The following VIPR1 variants were observed in gnomAD, a reference collection of about 807,000 sequenced individuals.
VIPR1 encodes vasoactive intestinal polypeptide receptor 1.
VIPR1 carries 59 observed loss-of-function variants against 58.8 expected under a neutral mutation model. The ratio of observed to expected loss-of-function variants is 1.00; its 90% confidence interval spans 0.81 to 1.25. The LOEUF (loss-of-function observed/expected upper bound fraction) is 1.25, where lower values mean the gene tolerates loss of function less well. Ranked by LOEUF, VIPR1 falls within the 50% of genes most tolerant of loss-of-function variation. The pLI is 0.00. For synonymous variants in VIPR1, 251 were observed against 242.1 expected, an observed-to-expected ratio of 1.04 and a Z score of -0.34; for missense variants, 626 against 602.7, an observed-to-expected ratio of 1.04 and a Z score of -0.40.
intron 1 of VIPR1, 160 bp from the exon 2 acceptor site, chr3:42,513,589 G>A (rs1168561058): frequency 1.6e-5 from 11 of 706,902 alleles, no homozygotes; most frequent in Non-Finnish European, 2.1e-5. Flanking sequence ...ATGGACAACA[G>A]GTTGGGGTCA....
rs762386402 is a variant in VIPR1 at position 42,527,994 on chromosome 3, G to A, written c.507G>A (p.Lys169=). The A allele has an allele frequency of 5.0e-6, 8 of 1,613,820 alleles. No individual in the cohort carries two copies. The highest frequency in any genetic ancestry group is 6.8e-6 in the Non-Finnish European group (8 of 1,179,850). Residue 169 remains lysine (K), a synonymous_variant, in exon 6 of 13, where the codon AAG becomes AAA. Transcript: ENST00000325123. The part of the protein sequence containing the change: ...VATAILSLFR[K]LHCTRNYIHM... ...CAGATCTGCCCACCCCACACAGGAA[G>A]CTCCACTGCACGCGGAACTACATCC...
chr3:42,535,914 A>T (rs1701815854), intron 12 of VIPR1, among the ~76,000 whole-genome samples, 176 bp from the exon 13 acceptor site: 1 of 152,050 alleles, frequency 6.6e-6, no homozygotes, highest in African/African-American at 2.4e-5. Context: ...CTCCTTCTGA[A>T]CCTGGCCTCA....
intron 9 of VIPR1, 29 bp downstream of exon 9, chr3:42,531,898 G>A (rs1559497209): frequency 6.2e-7 from 1 of 1,613,752 alleles, no homozygotes; most frequent in Non-Finnish European, 8.5e-7. Context: ...ACCTAGAGAT[G>A]GGGAAACAGG....
rs753944636 is a variant in VIPR1 at position 42,525,944 on chromosome 3, C to G, written c.350C>G (p.Pro117Arg). The change falls in exon 4 of 13, where the codon CCG becomes CGG. Residue 117 changes from proline to arginine, a missense_variant. Transcript: ENST00000325123. The stretch of plus-strand genomic sequence containing the variant: ...GGCTGGACGCACCTGGAGCCTGGCC[C>G]GTACCCCATTGCCTGTGGTTTGGAT... ...DEGWTHLEPG[P>R]YPIACGLDDK... is the part of the protein sequence containing the mutation. The G allele has an allele frequency of 3.1e-6, 5 of 1,613,666 alleles. No individual in the cohort carries two copies. In the South Asian group the frequency reaches 5.5e-5, roughly 18 times the overall value.
At chr3:42,531,179 C>T (rs1701524420) in intron 7 of VIPR1, 3 of 615,984 alleles carry the variant, frequency 4.9e-6, no homozygotes, top group Non-Finnish European at 8.5e-6. Context: ...TTTCCATTTC[C>T]CTTTAGTTCC....
chr3:42,531,317 G>A, intron 7 of VIPR1, 154 bp from the exon 8 acceptor site: 1 of 772,770 alleles, frequency 1.3e-6, no homozygotes. Flanking sequence ...TCCCTCCGTG[G>A]TGAACAACCT....
chr3:42,503,056 G>A (rs1392072952), intron 1 of VIPR1, among the ~76,000 whole-genome samples: 5 of 152,236 alleles, frequency 3.3e-5, no homozygotes, highest in African/African-American at 7.2e-5. Flanking sequence ...ATCAGTGGAG[G>A]GGCAGCGGGG....
Position 42,536,140 on chromosome 3 carries a change from C to T in VIPR1, c.1233C>T (p.Val411=). ...GGCGGCGCTGGCACCTGCAGGGCGTCCTGGGCTGGAACCCCAAATACCGGC... is the reference window on the plus strand; with the variant it reads ...GGCGGCGCTGGCACCTGCAGGGCGTTCTGGGCTGGAACCCCAAATACCGGC... ...RKWRRWHLQG[V]LGWNPKYRHP... The change falls in exon 13 of 13, where the codon GTC becomes GTT. Residue 411 remains valine, a synonymous_variant. Transcript: ENST00000325123. The T allele has an allele frequency of 1.9e-6, 3 of 1,606,626 alleles. No individual in the cohort carries two copies. The South Asian group carries it at 3.3e-5, about 18-fold the overall frequency.
chr3:42,527,850 T>C, intron 5 of VIPR1, 141 bp from the exon 6 acceptor site: 1 of 1,237,034 alleles, frequency 8.1e-7, no homozygotes, highest in Non-Finnish European at 1.1e-6. Context: ...TATTTCAGGA[T>C]GGGATCCCCT....
At chr3:42,527,539 A>C in intron 5 of VIPR1, 43 bp downstream of exon 5, 1 of 1,594,960 alleles carries the variant, frequency 6.3e-7, no homozygotes, top group Non-Finnish European at 8.6e-7. Flanking sequence ...CAAACCTGGC[A>C]AGTGTCCCTC....
chr3:42,502,351 G>A (rs1348054459), upstream of VIPR1: 1 of 169,900 alleles, frequency 5.9e-6, no homozygotes, highest in Non-Finnish European at 1.2e-5. Context: ...CGAAGGTCGT[G>A]AGCTAAGCAT....
At position 42,532,247 on chromosome 3, in the gene VIPR1, C is replaced by G; in HGVS notation, c.924C>G (p.Asn308Lys). The stretch of plus-strand genomic sequence containing the variant: ...CTCGGGTCCCCACCCACTAGGTAAA[C>G]TTCATCCTGTTTATTTGCATCATCC... ...KGPILTSILV[N>K]FILFICIIRI... The change falls in exon 10 of 13, where the codon AAC becomes AAG. Residue 308 changes from asparagine to lysine, a missense_variant. Asn to Lys is a moderately conservative substitution (Grantham distance 94). Transcript: ENST00000325123. 1.2e-6 allele frequency: 2 copies of G among 1,614,182 alleles called. No individual in the cohort carries two copies. Among genetic ancestry groups the G allele is most frequent in the Non-Finnish European group, 1.7e-6 (2 of 1,180,024 alleles).
At chr3:42,504,863 G>A (rs531522325) in intron 1 of VIPR1, among the ~76,000 whole-genome samples, 1 of 134,052 alleles carries the variant, frequency 7.5e-6, no homozygotes, top group East Asian at 2.3e-4. Flanking sequence ...ATGGTGCCCT[G>A]ACTTCAGCCT....
rs1233017305 is a variant in VIPR1 at position 42,536,380 on chromosome 3, CGG to C, written c.*100_*101del. 19 of 1,323,456 alleles carry C rather than the reference CGG, an allele frequency of 1.4e-5. No homozygotes were observed. The highest frequency in any genetic ancestry group is 1.9e-5 in the Non-Finnish European group (19 of 1,007,766). The allele number at this position is 1,323,456 out of a possible 1,614,324, so 82.0% of individuals were successfully genotyped here. On this transcript the variant is annotated 3_prime_UTR_variant, in exon 13 of 13. Coordinates refer to ENST00000325123, the MANE Select transcript of VIPR1 (RefSeq NM_004624.4). ...AGGCCTGCCCGGGCGCGGCCAGCCCCGGCCCTGGGCTCGGAGGCTGCCCCCGG... is the reference window on the plus strand; with the variant it reads ...AGGCCTGCCCGGGCGCGGCCAGCCCCCCCTGGGCTCGGAGGCTGCCCCCGG...
At chr3:42,493,807 C>T (rs1420654438) in intron 1 of VIPR1, among the ~76,000 whole-genome samples, 2 of 152,220 alleles carry the variant, frequency 1.3e-5, no homozygotes, top group African/African-American at 2.4e-5. Flanking sequence ...CTGAGGTCCT[C>T]GTCAGAGAGG....
intron 9 of VIPR1, 168 bp downstream of exon 9, chr3:42,532,037 G>T: frequency 1.1e-6 from 1 of 934,056 alleles, no homozygotes; most frequent in Non-Finnish European, 1.7e-6. Flanking sequence ...TTCCTTGAGC[G>T]TAAGCGGATT....
chr3:42,535,315 T>A (rs1559499556), intron 11 of VIPR1, 28 bp from the exon 12 acceptor site: 1 of 1,613,750 alleles, frequency 6.2e-7, no homozygotes, highest in Non-Finnish European at 8.5e-7. Flanking sequence ...TCTGTCTACC[T>A]CACCTCTCCT....
At chr3:42,500,081 A>G (rs1398587803), upstream of VIPR1, 1 of 152,256 alleles carries the variant, frequency 6.6e-6, no homozygotes, top group Non-Finnish European at 1.5e-5. Context: ...ACAATTCTGA[A>G]AGAACAAAGA....
intron 1 of VIPR1, chr3:42,508,146 G>C (rs141582101): frequency 6.6e-6 from 1 of 152,408 alleles, no homozygotes; most frequent in East Asian, 1.9e-4. Context: ...AAGGCACTAC[G>C]GCTGTGGCTA....
Sources: gnomAD v4.1 joint callset for allele counts (sites outside exome capture counted in the v4.1 genomes callset) on GRCh38, gnomAD v4.1.1 for gene constraint, MANE v1.5 for transcripts, NCBI Gene and HGNC (gene_info 2026-07-23, HGNC 2026-07-21) for gene names.